The following ANTXR2 variants were observed in gnomAD, a reference collection of about 807,000 sequenced individuals.
ANTXR2 encodes the protein ANTXR cell adhesion molecule 2.
Under a neutral mutation model 73.7 loss-of-function variants are expected in ANTXR2, and 44 were observed. The observed-to-expected ratio is 0.60, with a 90% confidence interval of 0.47 to 0.77. The LOEUF (loss-of-function observed/expected upper bound fraction) is 0.77, where lower values mean the gene tolerates loss of function less well. Among genes scored for constraint, ANTXR2 ranks in the 30% least tolerant of loss-of-function variants. The pLI is 0.00. For synonymous variants in ANTXR2, 217 were observed against 205.9 expected (o/e 1.05, Z -0.46); for missense variants, 604 against 592.5 (o/e 1.02, Z -0.20).
intron 4 of ANTXR2, 83 bp from the exon 5 acceptor site, chr4:80,055,550 C>A: frequency 8.6e-7 from 1 of 1,160,800 alleles, no homozygotes; most frequent in South Asian, 1.4e-5. Flanking sequence ...ATTTGTAAGT[C>A]TGACAAAATC....
chr4:80,070,010 T>C (rs1734710403), intron 2 of ANTXR2, among the ~76,000 whole-genome samples: 1 of 152,232 alleles, frequency 6.6e-6, no homozygotes, highest in Admixed American at 6.5e-5. Flanking sequence ...AATAAATCAC[T>C]TTCTGCTTAG....
At chr4:80,010,631 T>A (rs1731525226) in intron 11 of ANTXR2, among the ~76,000 whole-genome samples, 1 of 152,178 alleles carries the variant, frequency 6.6e-6, no homozygotes, top group Admixed American at 6.5e-5. Context: ...AGTGGTTAGT[T>A]TGTTTCTTCT....
chr4:80,012,508 G>C (rs577527917), intron 11 of ANTXR2, among the ~76,000 whole-genome samples: 22 of 152,148 alleles, frequency 1.4e-4, no homozygotes, highest in Non-Finnish European at 3.2e-4. Context: ...TTGTGACAGA[G>C]ACCATATGGC....
chr4:79,927,081 ATAT>A (rs1560868117), intron 16 of ANTXR2, among the ~76,000 whole-genome samples: 4 of 147,952 alleles, frequency 2.7e-5, no homozygotes, highest in African/African-American at 9.8e-5. Flanking sequence ...ATATATATGA[ATAT>A]TATTCAGCCT....
chr4:80,048,782 T>C (rs1733636608), intron 7 of ANTXR2, among the ~76,000 whole-genome samples: 1 of 151,676 alleles, frequency 6.6e-6, no homozygotes, highest in African/African-American at 2.4e-5. Flanking sequence ...CTTAGATATT[T>C]TTCTAAGAAC....
chr4:80,024,762 A>G (rs1388260129), intron 10 of ANTXR2: 2 of 424,166 alleles, frequency 4.7e-6, no homozygotes, highest in Non-Finnish European at 9.3e-6. Context: ...CCACCTCAAA[A>G]AGAAAAAACT....
chr4:79,948,665 G>A (rs917974691), intron 16 of ANTXR2, among the ~76,000 whole-genome samples: 6 of 152,044 alleles, frequency 3.9e-5, no homozygotes, highest in African/African-American at 1.2e-4. Flanking sequence ...GATTAAAACC[G>A]TGATGGAGGT....
chr4:79,908,035 C>T (rs1222193289), intron 16 of ANTXR2, among the ~76,000 whole-genome samples: 1 of 152,188 alleles, frequency 6.6e-6, no homozygotes, highest in African/African-American at 2.4e-5. Flanking sequence ...ACTATCTGCA[C>T]TTACACATTT....
chr4:79,923,860 G>C (rs918228287), intron 16 of ANTXR2, among the ~76,000 whole-genome samples: 2 of 152,104 alleles, frequency 1.3e-5, no homozygotes, highest in Non-Finnish European at 2.9e-5. Context: ...GTCTCTATGT[G>C]TGTTGATACA....
At chr4:80,067,879 T>G (rs1195668437) in intron 3 of ANTXR2, among the ~76,000 whole-genome samples, 1 of 152,174 alleles carries the variant, frequency 6.6e-6, no homozygotes, top group African/African-American at 2.4e-5. Flanking sequence ...TCAGGATAGA[T>G]AGCTAATGCA....
intron 10 of ANTXR2, among the ~76,000 whole-genome samples, chr4:80,022,761 A>G (rs1044919091): frequency 3.3e-5 from 5 of 152,192 alleles, no homozygotes; most frequent in Non-Finnish European, 5.9e-5. Context: ...GGGAAGCAAG[A>G]GAGCAGTTCA....
intron 12 of ANTXR2, among the ~76,000 whole-genome samples, chr4:79,987,043 G>A (rs1730197767): frequency 6.6e-6 from 1 of 152,184 alleles, no homozygotes; most frequent in South Asian, 2.1e-4. Context: ...AGTGAACACA[G>A]ATGAGAAAGA....
At chr4:79,984,192 T>G (rs1381170456) in intron 13 of ANTXR2, among the ~76,000 whole-genome samples, 2 of 152,192 alleles carry the variant, frequency 1.3e-5, no homozygotes, top group South Asian at 4.1e-4. Flanking sequence ...GAATCTCTCT[T>G]ACATCATCCC....
At position 79,902,203 on chromosome 4, in the gene ANTXR2, A is replaced by C. The variant is rs1189685202; in HGVS notation, c.*5226T>G. The C allele has an allele frequency of 6.6e-6, 1 of 152,194 alleles. No individual in the cohort carries two copies. Among genetic ancestry groups the C allele is most frequent in the Admixed American group, 6.6e-5 (1 of 15,262 alleles). The allele number at this position is 152,194 out of a possible 1,614,324, so 9.4% of individuals were successfully genotyped here. On this transcript the variant is annotated 3_prime_UTR_variant, in exon 17 of 17. Coordinates refer to ENST00000403729, the MANE Select transcript of ANTXR2 (RefSeq NM_058172.6). ...ACAAATAACTTCATGGCAATTAGGAAACCCTATTTAGGTTCCACTTTTTAA... is the reference window on the plus strand; with the variant it reads ...ACAAATAACTTCATGGCAATTAGGACACCCTATTTAGGTTCCACTTTTTAA...
chr4:79,988,167 G>T (rs1730277060), intron 12 of ANTXR2, among the ~76,000 whole-genome samples: 1 of 146,684 alleles, frequency 6.8e-6, no homozygotes, highest in Non-Finnish European at 1.5e-5. Flanking sequence ...AGAGTGGCAA[G>T]TTGGATACAG....
chr4:80,058,853 G>T (rs556544222), intron 3 of ANTXR2, among the ~76,000 whole-genome samples: 1 of 152,192 alleles, frequency 6.6e-6, no homozygotes, highest in South Asian at 2.1e-4. Context: ...CAGCAATATT[G>T]AAACTACTTT....
chr4:80,047,032 CT>C (rs1733543877), intron 7 of ANTXR2, among the ~76,000 whole-genome samples: 1 of 151,602 alleles, frequency 6.6e-6, no homozygotes, highest in Non-Finnish European at 1.5e-5. Context: ...TGTAGGACAC[CT>C]TTTATAGTCC....
intron 7 of ANTXR2, among the ~76,000 whole-genome samples, chr4:80,039,626 G>GA (rs1434582897): frequency 2.0e-5 from 3 of 151,958 alleles, no homozygotes; most frequent in Non-Finnish European, 4.4e-5. Context: ...TTAAAAAGTC[G>GA]AAAACCAACA....
At chr4:79,965,887 A>T (rs1211915798) in intron 16 of ANTXR2, among the ~76,000 whole-genome samples, 1 of 152,198 alleles carries the variant, frequency 6.6e-6, no homozygotes, top group Non-Finnish European at 1.5e-5. Context: ...TATAAAAGTG[A>T]TATACATTTT....
Sources: gnomAD v4.1 joint callset for allele counts (sites outside exome capture counted in the v4.1 genomes callset) on GRCh38, gnomAD v4.1.1 for gene constraint, MANE v1.5 for transcripts, NCBI Gene and HGNC (gene_info 2026-07-23, HGNC 2026-07-21) for gene names.